ARIH1: variants seen among roughly 807,000 people sequenced by gnomAD.
ARIH1 encodes ariadne RBR E3 ubiquitin protein ligase 1.
Under a neutral mutation model 85.0 loss-of-function variants are expected in ARIH1, and 8 were observed. The observed-to-expected ratio is 0.09, with a 90% confidence interval of 0.06 to 0.17. ARIH1 has a LOEUF of 0.17. ARIH1 is among the 10% of genes least tolerant of loss of function. ARIH1 has a pLI of 1.00. For synonymous variants in ARIH1, 238 were observed against 253.6 expected (o/e 0.94, Z 0.59); for missense variants, 311 against 718.1 (o/e 0.43, Z 6.48).
intron 1 of ARIH1, among the ~76,000 whole-genome samples, chr15:72,514,656 A>T (rs1320097968): frequency 1.3e-5 from 2 of 151,682 alleles, no homozygotes; most frequent in African/African-American, 4.9e-5. Flanking sequence ...GCAAGCTGAG[A>T]TTGCACCACT....
At chr15:72,526,421 A>AT (rs1025775823) in intron 2 of ARIH1, among the ~76,000 whole-genome samples, 3 of 151,946 alleles carry the variant, frequency 2.0e-5, no homozygotes, top group African/African-American at 7.3e-5. Context: ...AATGAATGTG[A>AT]TTTTTTCTTT....
chr15:72,476,642 G>A lies in ARIH1; in HGVS notation c.375+1628G>A, dbSNP rs568227088. 3.9e-5 allele frequency among the ~76,000 whole-genome samples: 6 copies of A among 152,276 alleles called. No individual in the cohort carries two copies. The South Asian group carries it at 8.3e-4, about 21-fold the overall frequency. ...CCTCCCAAAGCGCTGGATTACAGGC[G>A]TCAGCCACCGTGCCCGGCCTGTAGA... On this transcript the variant is annotated intron_variant, in intron 1 of 13. Transcript: ENST00000379887.
chr15:72,492,674 C>G (rs534114793), intron 1 of ARIH1, among the ~76,000 whole-genome samples: 1 of 152,002 alleles, frequency 6.6e-6, no homozygotes, highest in South Asian at 2.1e-4. Context: ...TTTCATTGGC[C>G]CTAAAAATGT....
chr15:72,494,692 G>A (rs2063872685), intron 1 of ARIH1, among the ~76,000 whole-genome samples: 1 of 151,926 alleles, frequency 6.6e-6, no homozygotes, highest in African/African-American at 2.4e-5. Flanking sequence ...AAATAAATGA[G>A]AACAGGACGG....
intron 2 of ARIH1, among the ~76,000 whole-genome samples, chr15:72,525,181 G>A (rs2592052): frequency 0.92 from 140,050 of 152,290 alleles, 65,540 homozygotes; most frequent in East Asian, 1. Flanking sequence ...ATGAGCCACT[G>A]TGCCTGGCCA....
intron 2 of ARIH1, among the ~76,000 whole-genome samples, chr15:72,524,339 C>T (rs543777650): frequency 6.0e-5 from 9 of 150,996 alleles, no homozygotes; most frequent in South Asian, 4.2e-4. Flanking sequence ...CTCTGCCTCC[C>T]GGTTCAAGCG....
chr15:72,526,467 A>G (rs569895695), intron 2 of ARIH1, among the ~76,000 whole-genome samples: 7 of 152,220 alleles, frequency 4.6e-5, no homozygotes, highest in Non-Finnish European at 1.0e-4. Context: ...CAGTGGTTCA[A>G]CCCTGCAATT....
At chr15:72,507,677 A>G (rs978842171) in intron 1 of ARIH1, among the ~76,000 whole-genome samples, 8 of 152,172 alleles carry the variant, frequency 5.3e-5, no homozygotes, top group African/African-American at 9.7e-5. Flanking sequence ...TTAAATAAAA[A>G]TAAATAAATA....
At chr15:72,505,311 T>C (rs2063920066) in intron 1 of ARIH1, among the ~76,000 whole-genome samples, 1 of 152,208 alleles carries the variant, frequency 6.6e-6, no homozygotes, top group Non-Finnish European at 1.5e-5. Flanking sequence ...TATTTGAAAT[T>C]TCTTTTTGAA....
chr15:72,572,745 A>G (rs963425920), intron 11 of ARIH1, among the ~76,000 whole-genome samples: 1 of 152,228 alleles, frequency 6.6e-6, no homozygotes, highest in East Asian at 1.9e-4. Context: ...ACAGTAGTGA[A>G]CAGCATTTGT....
rs1157395186 is a variant in ARIH1 at position 72,593,828 on chromosome 15, T to A, written c.*10536T>A. On this transcript the variant is annotated 3_prime_UTR_variant, in exon 14 of 14. Coordinates refer to ENST00000379887, the MANE Select transcript of ARIH1 (RefSeq NM_005744.5). ...AAAGTTTTACAATTAGCTCATCTTG[T>A]TTTTCAAACGTAGATGTGCTGGGTT... The A allele has an allele frequency of 2.0e-5, 3 of 152,122 alleles. No individual in the cohort carries two copies. Among genetic ancestry groups the A allele is most frequent in the African/African-American group, 4.8e-5 (2 of 41,440 alleles). The allele number at this position is 152,122 out of a possible 1,614,324, so 9.4% of individuals were successfully genotyped here.
At chr15:72,555,612 A>G (rs2064171658) in intron 4 of ARIH1, among the ~76,000 whole-genome samples, 1 of 152,210 alleles carries the variant, frequency 6.6e-6, no homozygotes, top group Non-Finnish European at 1.5e-5. Flanking sequence ...CGATTTTGTC[A>G]GATTATCTCG....
rs1397681903 is a variant in ARIH1, at chr15:72,591,979, A to G, written c.*8687A>G. On this transcript the variant is annotated 3_prime_UTR_variant, in exon 14 of 14. Transcript: ENST00000379887. ...GGATAGGAAATGATTTTGTATCCCAAAATCCTAGTACTAATTTGGAGTGTT... is the reference window on the plus strand; with the variant it reads ...GGATAGGAAATGATTTTGTATCCCAGAATCCTAGTACTAATTTGGAGTGTT... The G allele has an allele frequency of 2.0e-5, 3 of 152,232 alleles. No homozygotes were observed. Among genetic ancestry groups the G allele is most frequent in the Non-Finnish European group, 4.4e-5 (3 of 68,036 alleles). 9.4% of individuals were successfully genotyped at this position (152,232 alleles called of 1,614,324 possible).
chr15:72,491,462 G>A (rs939981599), intron 1 of ARIH1, among the ~76,000 whole-genome samples: 2 of 151,860 alleles, frequency 1.3e-5, no homozygotes, highest in Non-Finnish European at 2.9e-5. Context: ...GAAATTCTTG[G>A]TTGTTTGATC....
At chr15:72,555,174 G>A (rs547347037) in intron 3 of ARIH1, 97 bp from the exon 4 acceptor site, 11 of 844,486 alleles carry the variant, frequency 1.3e-5, no homozygotes, top group South Asian at 3.3e-5. Flanking sequence ...TTTTAGCCAC[G>A]TAAGAAATGT....
At chr15:72,537,705 G>T (rs2064088896) in intron 2 of ARIH1, among the ~76,000 whole-genome samples, 1 of 152,100 alleles carries the variant, frequency 6.6e-6, no homozygotes, top group Non-Finnish European at 1.5e-5. Context: ...TAATGTGGCT[G>T]GGGGGAGTTG....
At chr15:72,546,636 C>T (rs977286539) in intron 3 of ARIH1, among the ~76,000 whole-genome samples, 12 of 151,792 alleles carry the variant, frequency 7.9e-5, no homozygotes, top group Non-Finnish European at 1.3e-4. Flanking sequence ...GCGCATGCCA[C>T]CATGTCTGGC....
intron 1 of ARIH1, among the ~76,000 whole-genome samples, chr15:72,513,641 T>C (rs968701916): frequency 2.0e-5 from 3 of 150,952 alleles, no homozygotes; most frequent in African/African-American, 7.3e-5. Context: ...AAGAATTTCT[T>C]ATAGCTTTTC....
chr15:72,554,716 G>A (rs989465346), intron 3 of ARIH1, among the ~76,000 whole-genome samples: 5 of 152,018 alleles, frequency 3.3e-5, no homozygotes, highest in Admixed American at 2.6e-4. Context: ...AGCTGTTCTA[G>A]TGAGGGTGAA....
Sources: allele counts gnomAD v4.1 joint callset (sites outside exome capture counted in the v4.1 genomes callset), GRCh38; gene constraint gnomAD v4.1.1; transcripts MANE v1.5; gene names NCBI Gene and HGNC (gene_info 2026-07-23, HGNC 2026-07-21).